The following ATXN7L1 variants were observed in gnomAD, a reference collection of about 807,000 sequenced individuals.
ATXN7L1 encodes the protein ataxin-7-like protein 1.
A neutral mutation model predicts 70.8 loss-of-function variants in ATXN7L1; 15 were observed. The observed-to-expected ratio is 0.21, with a 90% CI of 0.14 to 0.33. The LOEUF is 0.33. Among genes scored for constraint, ATXN7L1 ranks in the 10% least tolerant of loss-of-function variants. ATXN7L1 has a pLI of 1.00. For missense variants in ATXN7L1, 975 were observed against 1,097.1 expected (o/e 0.89, Z 1.57); for synonymous variants, 440 against 445.1 (o/e 0.99, Z 0.14).
At chr7:105,672,129 T>C (rs1803834071) in intron 3 of ATXN7L1, among the ~76,000 whole-genome samples, 1 of 151,768 alleles carries the variant, frequency 6.6e-6, no homozygotes, top group South Asian at 2.1e-4. Context: ...CTACTAAAAA[T>C]ACAGAAATTA....
At chr7:105,629,325 T>G (rs1044556131) in intron 7 of ATXN7L1, among the ~76,000 whole-genome samples, 1 of 152,062 alleles carries the variant, frequency 6.6e-6, no homozygotes, top group Non-Finnish European at 1.5e-5. Context: ...TGAATTTGGC[T>G]TTTTTAGATT....
intron 2 of ATXN7L1, among the ~76,000 whole-genome samples, chr7:105,860,104 T>C (rs1174295662): frequency 1.4e-5 from 2 of 142,340 alleles, no homozygotes; most frequent in African/African-American, 5.2e-5. Flanking sequence ...ATAAGACATA[T>C]ATACAGATAG....
chr7:105,710,401 CTTTTTTT>C (rs34003989), intron 3 of ATXN7L1, among the ~76,000 whole-genome samples: 3,529 of 78,326 alleles, frequency 0.045, 197 homozygotes, highest in African/African-American at 0.17. Context: ...GTGCCATGCA[CTTTTTTT>C]TTTTTTTTTT....
chr7:105,676,632 G>A (rs4418281), intron 3 of ATXN7L1, among the ~76,000 whole-genome samples: 472 of 152,266 alleles, frequency 3.1e-3, no homozygotes, highest in Non-Finnish European at 4.9e-3. Context: ...TTGAGGTCAG[G>A]AGTTCAAGAC....
chr7:105,678,867 C>T (rs760876856), intron 3 of ATXN7L1, among the ~76,000 whole-genome samples: 5 of 152,194 alleles, frequency 3.3e-5, no homozygotes, highest in Admixed American at 2.0e-4. Context: ...CCCCGCTCCC[C>T]GCCTCAGCCC....
chr7:105,875,593 T>G (rs1819018386), intron 2 of ATXN7L1, among the ~76,000 whole-genome samples: 1 of 147,408 alleles, frequency 6.8e-6, no homozygotes, highest in Non-Finnish European at 1.5e-5. Context: ...TGAAGTGCAG[T>G]AAACTTCTGC....
In ATXN7L1 at chr7:105,876,497, T is replaced by C; in HGVS notation, c.62A>G (p.Lys21Arg). The part of the protein sequence containing the change: ...LSAAAAEGTG[K>R]KQQEGRAMAT... ...CATTGCTCTTCCTTCTTGTTGCTTTTTCCCTGTTCCTTCGGCAGCAGCAGC... is the reference window on the plus strand; with the variant it reads ...CATTGCTCTTCCTTCTTGTTGCTTTCTCCCTGTTCCTTCGGCAGCAGCAGC... The change falls in exon 1 of 12, where the codon AAA becomes AGA. Residue 21 changes from lysine to arginine, a missense_variant. This residue lies in a region of ATXN7L1 where 135 missense variants were observed against 132.6 expected (regional missense o/e 1.02). Transcript: ENST00000419735. 6.2e-7 allele frequency: 1 copy of C among 1,613,612 alleles called. No individual in the cohort carries two copies.
chr7:105,787,764 A>T (rs6466074), intron 3 of ATXN7L1, among the ~76,000 whole-genome samples: 69,956 of 152,040 alleles, frequency 0.46, 16,568 homozygotes, highest in Non-Finnish European at 0.52. Context: ...CGAAACCTTA[A>T]TGGTAAGGAG....
At chr7:105,757,543 T>C (rs1445726736) in intron 3 of ATXN7L1, among the ~76,000 whole-genome samples, 6 of 151,644 alleles carry the variant, frequency 4.0e-5, no homozygotes, top group Admixed American at 3.3e-4. Flanking sequence ...CTTTTTTTTT[T>C]TTTTTTCAGT....
intron 3 of ATXN7L1, among the ~76,000 whole-genome samples, chr7:105,720,494 C>T (rs571089168): frequency 7.8e-4 from 119 of 152,282 alleles, no homozygotes; most frequent in African/African-American, 2.8e-3. Flanking sequence ...TCACAGCTCA[C>T]GGCAACCTCT....
chr7:105,659,270 G>C (rs1198062780), intron 4 of ATXN7L1, among the ~76,000 whole-genome samples: 1 of 152,206 alleles, frequency 6.6e-6, no homozygotes, highest in East Asian at 1.9e-4. Context: ...TAGACAAAAG[G>C]TCAGCCATCT....
At chr7:105,624,462 C>T (rs1223273029) in intron 7 of ATXN7L1, among the ~76,000 whole-genome samples, 195 bp from the exon 8 acceptor site, 1 of 152,020 alleles carries the variant, frequency 6.6e-6, no homozygotes, top group South Asian at 2.1e-4. Flanking sequence ...CCATCCTGGC[C>T]AACATGGTGA....
chr7:105,873,026 C>T (rs1319263928), intron 2 of ATXN7L1, among the ~76,000 whole-genome samples: 1 of 151,874 alleles, frequency 6.6e-6, no homozygotes, highest in African/African-American at 2.4e-5. Context: ...TGGTGGCGGG[C>T]GCCTGTAATC....
chr7:105,686,752 A>G (rs1806230435), intron 3 of ATXN7L1, among the ~76,000 whole-genome samples: 1 of 152,250 alleles, frequency 6.6e-6, no homozygotes, highest in South Asian at 2.1e-4. Flanking sequence ...TACAGTTTCT[A>G]TGGAATGCAT....
chr7:105,693,593 G>T (rs148732844), intron 3 of ATXN7L1, among the ~76,000 whole-genome samples: 1 of 151,502 alleles, frequency 6.6e-6, no homozygotes, highest in African/African-American at 2.4e-5. Flanking sequence ...CTAATTTGAA[G>T]AATAAAATGT....
At chr7:105,620,398 T>C in intron 8 of ATXN7L1, 77 bp from the exon 9 acceptor site, 1 of 1,397,758 alleles carries the variant, frequency 7.2e-7, no homozygotes, top group Non-Finnish European at 9.5e-7. Context: ...AAATAACATT[T>C]ACATAAAAAC....
intron 3 of ATXN7L1, among the ~76,000 whole-genome samples, chr7:105,763,479 G>T (rs1221552825): frequency 6.6e-6 from 1 of 152,198 alleles, no homozygotes; most frequent in Non-Finnish European, 1.5e-5. Context: ...AGGCCATGAG[G>T]CTGCCTCTTG....
chr7:105,828,343 T>A (rs570136457), intron 2 of ATXN7L1, among the ~76,000 whole-genome samples: 19 of 152,118 alleles, frequency 1.2e-4, no homozygotes, highest in Non-Finnish European at 2.4e-4. Flanking sequence ...ATGCTTCCCA[T>A]CCCTGAAGGA....
At chr7:105,746,678 T>C (rs941542450) in intron 3 of ATXN7L1, among the ~76,000 whole-genome samples, 21 of 152,230 alleles carry the variant, frequency 1.4e-4, no homozygotes, top group Non-Finnish European at 1.5e-5. Flanking sequence ...GGAATCTATG[T>C]GGTTCTCTGT....
Sources: gnomAD v4.1 joint callset for allele counts (sites outside exome capture counted in the v4.1 genomes callset) on GRCh38, gnomAD v4.1.1 for gene constraint, gnomAD v4.1.1 regional missense constraint, MANE v1.5 for transcripts, NCBI Gene and HGNC (gene_info 2026-07-23, HGNC 2026-07-21) for gene names.